The following ARHGAP10 variants were observed in gnomAD, a reference collection of about 807,000 sequenced individuals.
The protein encoded by ARHGAP10 is Rho GTPase activating protein 10.
Under a neutral mutation model 108.6 loss-of-function variants are expected in ARHGAP10, and 87 were observed. The observed-to-expected ratio is 0.80, with a 90% CI of 0.67 to 0.96. ARHGAP10 has a LOEUF of 0.96. ARHGAP10 is among the 40% of genes least tolerant of loss of function. The pLI is 0.00. For synonymous variants in ARHGAP10, 347 were observed against 341.1 expected (o/e 1.02, Z -0.19); for missense variants, 939 against 954.5 (o/e 0.98, Z 0.21).
chr4:147,940,692 T>C (rs1314448053), intron 14 of ARHGAP10, among the ~76,000 whole-genome samples: 1 of 152,212 alleles, frequency 6.6e-6, no homozygotes, highest in Non-Finnish European at 1.5e-5. Flanking sequence ...AACAATGCCC[T>C]CAGGTGTGCT....
At chr4:147,961,690 T>C (rs1307230597) in intron 16 of ARHGAP10, among the ~76,000 whole-genome samples, 1 of 152,138 alleles carries the variant, frequency 6.6e-6, no homozygotes, top group Non-Finnish European at 1.5e-5. Flanking sequence ...GCTTCCTCTT[T>C]GTTTAACCTC....
rs188287219 is a variant in ARHGAP10, at chr4:147,733,304, C to A, written c.154+849C>A. On this transcript the variant is annotated intron_variant, in intron 1 of 22. Transcript: ENST00000336498. ...AGGGGCCAAAATTCATGCAGAAATACTGAGTTAGTGATGCTACTGGAAAAT... is the reference window on the plus strand; with the variant it reads ...AGGGGCCAAAATTCATGCAGAAATAATGAGTTAGTGATGCTACTGGAAAAT... Among the ~76,000 whole-genome samples the A allele has an allele frequency of 5.3e-5, 8 of 152,266 alleles. No homozygotes were observed. The East Asian group carries it at 1.5e-3, about 29-fold the overall frequency.
intron 13 of ARHGAP10, among the ~76,000 whole-genome samples, chr4:147,923,165 C>G (rs780829301): frequency 6.6e-6 from 1 of 152,040 alleles, no homozygotes; most frequent in Non-Finnish European, 1.5e-5. Context: ...GTTTTTCATT[C>G]CTTTATGAAT....
At chr4:147,798,830 C>T (rs6811580) in intron 1 of ARHGAP10, among the ~76,000 whole-genome samples, 14,596 of 131,596 alleles carry the variant, frequency 0.11, 2,315 homozygotes, top group African/African-American at 0.36. Flanking sequence ...CTTTTTACCC[C>T]CCCACGCTTG....
intron 18 of ARHGAP10, among the ~76,000 whole-genome samples, chr4:147,999,575 C>T (rs1740615026): frequency 6.6e-6 from 1 of 152,234 alleles, no homozygotes; most frequent in African/African-American, 2.4e-5. Flanking sequence ...GCCATTGTTC[C>T]TGCACAGCTA....
intron 1 of ARHGAP10, among the ~76,000 whole-genome samples, chr4:147,794,348 C>T (rs560582262): frequency 2.0e-5 from 3 of 152,310 alleles, no homozygotes; most frequent in South Asian, 4.1e-4. Flanking sequence ...TCAATCTTTG[C>T]AACATAATGT....
chr4:148,046,747 GA>G, intron 19 of ARHGAP10, 144 bp from the exon 20 acceptor site: 2 of 701,510 alleles, frequency 2.9e-6, no homozygotes, highest in Non-Finnish European at 4.4e-6. Flanking sequence ...AAAATGTAAA[GA>G]CAGGACACCC....
At chr4:147,890,829 A>G (rs1381275851) in intron 10 of ARHGAP10, among the ~76,000 whole-genome samples, 2 of 152,212 alleles carry the variant, frequency 1.3e-5, no homozygotes, top group African/African-American at 4.8e-5. Context: ...TCCATCACAA[A>G]AAAAACAACA....
intron 15 of ARHGAP10, among the ~76,000 whole-genome samples, chr4:147,947,227 CTTTTTTTTT>C (rs34782915): frequency 3.9e-5 from 4 of 101,606 alleles, no homozygotes; most frequent in Non-Finnish European, 8.9e-5. Flanking sequence ...GAGTCACTGT[CTTTTTTTTT>C]TTTTTTTTTT....
At chr4:147,977,632 C>G (rs752559394) in intron 18 of ARHGAP10, among the ~76,000 whole-genome samples, 14 of 152,094 alleles carry the variant, frequency 9.2e-5, no homozygotes, top group Non-Finnish European at 2.1e-4. Flanking sequence ...GTTGAAATCT[C>G]AGCTCCACTC....
intron 18 of ARHGAP10, among the ~76,000 whole-genome samples, chr4:147,986,702 A>G (rs117666521): frequency 1.3e-5 from 2 of 152,346 alleles, no homozygotes; most frequent in East Asian, 1.9e-4. Flanking sequence ...GAATAAGAGT[A>G]TGTCTCACAT....
rs57931206 is a variant in ARHGAP10, at chr4:148,043,614, A to AATATATATATATATATATATAT, written c.1868-3261_1868-3240dup. Among the ~76,000 whole-genome samples the AATATATATATATATATATATAT allele has an allele frequency of 4.4e-3, 239 of 54,908 alleles. 6 individuals carry two copies. Among genetic ancestry groups the AATATATATATATATATATATAT allele is most frequent in the Non-Finnish European group, 6.1e-3 (153 of 25,012 alleles). 36.0% of individuals were successfully genotyped at this position (54,908 alleles called of 152,430 possible). A position where few individuals can be genotyped will look rare whatever the true frequency, so the allele number is the denominator to read the frequency against. ...GACAACATAGGGAGACCCTCTCTCT[A>AATATATATATATATATATATAT]ATATATATATATATATATATATATA... On this transcript the variant is annotated intron_variant, in intron 19 of 22. Coordinates refer to ENST00000336498, the MANE Select transcript of ARHGAP10 (RefSeq NM_024605.4).
chr4:147,789,383 C>T (rs544925032), intron 1 of ARHGAP10, among the ~76,000 whole-genome samples: 9 of 152,162 alleles, frequency 5.9e-5, no homozygotes, highest in Non-Finnish European at 1.2e-4. Context: ...TCTGCCTCCC[C>T]GGTTCAAGCG....
intron 6 of ARHGAP10, 75 bp downstream of exon 6, chr4:147,865,031 A>G: frequency 1.5e-6 from 2 of 1,329,182 alleles, no homozygotes; most frequent in Non-Finnish European, 2.1e-6. Context: ...GATCTGATTT[A>G]TGGTTTATAG....
At chr4:147,752,285 G>T (rs1265621046) in intron 1 of ARHGAP10, among the ~76,000 whole-genome samples, 4 of 152,126 alleles carry the variant, frequency 2.6e-5, no homozygotes, top group Admixed American at 1.3e-4. Context: ...GGGTTGTAAT[G>T]TCTGCAAAGC....
chr4:147,734,861 TA>T (rs1434849544), intron 1 of ARHGAP10, among the ~76,000 whole-genome samples: 2 of 152,340 alleles, frequency 1.3e-5, no homozygotes, highest in African/African-American at 4.8e-5. Context: ...ACAGAAAGAA[TA>T]AAACCCACTA....
At chr4:147,834,128 T>G (rs1028237399) in intron 3 of ARHGAP10, among the ~76,000 whole-genome samples, 1 of 152,258 alleles carries the variant, frequency 6.6e-6, no homozygotes, top group South Asian at 2.1e-4. Flanking sequence ...CTCTTCCTTT[T>G]TCTTTCTATA....
intron 8 of ARHGAP10, among the ~76,000 whole-genome samples, chr4:147,878,052 G>A (rs1465574984): frequency 1.4e-5 from 2 of 144,674 alleles, no homozygotes; most frequent in Admixed American, 6.9e-5. Flanking sequence ...TTCTTCTGCC[G>A]CACCCTCCCC....
At chr4:147,814,604 A>G (rs1732159091) in intron 1 of ARHGAP10, among the ~76,000 whole-genome samples, 1 of 152,064 alleles carries the variant, frequency 6.6e-6, no homozygotes, top group Non-Finnish European at 1.5e-5. Flanking sequence ...TCCCTTTCTT[A>G]GCATATTTGG....
Sources: allele counts gnomAD v4.1 joint callset (sites outside exome capture counted in the v4.1 genomes callset), GRCh38; gene constraint gnomAD v4.1.1; transcripts MANE v1.5; gene names NCBI Gene and HGNC (gene_info 2026-07-23, HGNC 2026-07-21).